The following XRCC4 variants were observed in gnomAD, a reference collection of about 807,000 sequenced individuals.
The protein encoded by XRCC4 is X-ray repair cross complementing 4.
In XRCC4, 28 loss-of-function variants were observed where a neutral mutation model predicts 39.1. That is an observed-to-expected ratio of 0.72 (90% CI 0.53 to 0.98). The LOEUF is 0.98. Among genes scored for constraint, XRCC4 ranks in the 50% least tolerant of loss-of-function variants. The pLI is 0.00. For synonymous variants in XRCC4, 123 were observed against 126.4 expected (o/e 0.97, Z 0.18); for missense variants, 350 against 376.4 (o/e 0.93, Z 0.58).
intron 2 of XRCC4, 92 bp from the exon 3 acceptor site, chr5:83,110,936 T>A: frequency 3.4e-6 from 4 of 1,166,778 alleles, no homozygotes; most frequent in Non-Finnish European, 4.7e-6. Context: ...TTCTGTTACA[T>A]GTGATAAATT....
chr5:83,110,657 A>G (rs2112398166), intron 2 of XRCC4, among the ~76,000 whole-genome samples: 1 of 152,198 alleles, frequency 6.6e-6, no homozygotes, highest in East Asian at 1.9e-4. Context: ...CTTTGATGCA[A>G]GGAAGAAAGA....
intron 3 of XRCC4, among the ~76,000 whole-genome samples, chr5:83,158,001 A>G (rs190430808): frequency 1.3e-5 from 2 of 152,234 alleles, no homozygotes; most frequent in African/African-American, 4.8e-5. Context: ...TCAGATGGGT[A>G]GTACATTATA....
chr5:83,240,511 G>A (rs761694744), intron 6 of XRCC4, among the ~76,000 whole-genome samples: 29 of 152,238 alleles, frequency 1.9e-4, no homozygotes, highest in Non-Finnish European at 2.9e-4. Flanking sequence ...ACAATTGGAG[G>A]CATTCTGACT....
rs998086053 is a variant in XRCC4 at position 83,138,678 on chromosome 5, C to T, written c.315+27475C>T. 1.1e-4 allele frequency among the ~76,000 whole-genome samples: 16 copies of T among 152,020 alleles called. 1 individual carries two copies. The highest frequency in any genetic ancestry group is 6.6e-5 in the Admixed American group (1 of 15,266). On this transcript the variant is annotated intron_variant, in intron 3 of 7. Transcript: ENST00000396027. The stretch of plus-strand genomic sequence containing the variant: ...AATTCAACAAAGGATTATCCATTTC[C>T]ATACTTTTTTCATTACATTTCCAGT...
chr5:83,244,043 G>A (rs529708496), intron 6 of XRCC4, among the ~76,000 whole-genome samples: 1 of 152,140 alleles, frequency 6.6e-6, no homozygotes, highest in African/African-American at 2.4e-5. Flanking sequence ...AATGTGCAAA[G>A]TTAAAAATGG....
chr5:83,344,863 A>G (rs1300100564), intron 7 of XRCC4, among the ~76,000 whole-genome samples: 2 of 152,134 alleles, frequency 1.3e-5, no homozygotes, highest in Admixed American at 6.5e-5. Flanking sequence ...AAACATTTGC[A>G]CTCCTACCAG....
chr5:83,258,028 G>A (rs115101409), intron 6 of XRCC4, among the ~76,000 whole-genome samples: 2,134 of 152,174 alleles, frequency 0.014, 36 homozygotes, highest in Non-Finnish European at 0.022. Context: ...TCACACACCG[G>A]GGCCTGTCAG....
chr5:83,283,682 T>C (rs1754630917), intron 7 of XRCC4, among the ~76,000 whole-genome samples: 1 of 152,188 alleles, frequency 6.6e-6, no homozygotes, highest in South Asian at 2.1e-4. Context: ...TTTCATTCTC[T>C]CTTGGCATCT....
At chr5:83,171,980 A>G (rs1292747545) in intron 3 of XRCC4, among the ~76,000 whole-genome samples, 2 of 152,160 alleles carry the variant, frequency 1.3e-5, no homozygotes, top group East Asian at 3.8e-4. Context: ...TATGGACAAA[A>G]TATGTTTTTA....
intron 6 of XRCC4, among the ~76,000 whole-genome samples, chr5:83,205,436 T>A (rs1369646893): frequency 1.3e-5 from 2 of 148,818 alleles, no homozygotes; most frequent in African/African-American, 4.9e-5. Flanking sequence ...AAAGTACCTA[T>A]GACTTACTCA....
chr5:83,163,194 G>T (rs1467423097), intron 3 of XRCC4, among the ~76,000 whole-genome samples: 1 of 152,142 alleles, frequency 6.6e-6, no homozygotes, highest in Non-Finnish European at 1.5e-5. Context: ...TGAGCCGCCT[G>T]CCTGGGCCTC....
At chr5:83,360,070 T>C in the XRCC4 span, among the ~76,000 whole-genome samples, 2 of 152,152 alleles carry the variant, frequency 1.3e-5, no homozygotes, top group African/African-American at 4.8e-5. Context: ...ATGGCCACCA[T>C]TGGTAGAATA....
At chr5:83,272,785 C>T (rs1252970289) in intron 7 of XRCC4, among the ~76,000 whole-genome samples, 1 of 152,164 alleles carries the variant, frequency 6.6e-6, no homozygotes, top group African/African-American at 2.4e-5. Context: ...CATAGTATTC[C>T]ATGGTGTATA....
chr5:83,177,179 G>A (rs558280262), intron 3 of XRCC4, among the ~76,000 whole-genome samples: 19 of 152,092 alleles, frequency 1.2e-4, no homozygotes, highest in African/African-American at 4.1e-4. Flanking sequence ...ATTGATTTTT[G>A]TTCCTTTATT....
chr5:83,199,555 A>G (rs1005983056), intron 4 of XRCC4, among the ~76,000 whole-genome samples: 3 of 152,084 alleles, frequency 2.0e-5, no homozygotes, highest in Non-Finnish European at 2.9e-5. Flanking sequence ...TCTAAATACC[A>G]TATGTTCACA....
intron 1 of XRCC4, among the ~76,000 whole-genome samples, chr5:83,098,002 C>T (rs1745757506): frequency 8.7e-6 from 1 of 115,438 alleles, no homozygotes; most frequent in Admixed American, 7.5e-5. Flanking sequence ...CATTTTATTG[C>T]TTTTTAATAC....
At chr5:83,140,047 C>A (rs1748091656) in intron 3 of XRCC4, among the ~76,000 whole-genome samples, 1 of 152,156 alleles carries the variant, frequency 6.6e-6, no homozygotes, top group African/African-American at 2.4e-5. Flanking sequence ...TCATTTTTCA[C>A]AATATGTTCA....
chr5:83,217,924 C>T (rs4703564), intron 6 of XRCC4, among the ~76,000 whole-genome samples: 35,873 of 151,936 alleles, frequency 0.24, 7,278 homozygotes, highest in East Asian at 0.65. Flanking sequence ...ACCAGGATTG[C>T]ATAAAGTATA....
chr5:83,263,785 T>A (rs944165886), intron 7 of XRCC4, among the ~76,000 whole-genome samples: 5 of 151,270 alleles, frequency 3.3e-5, no homozygotes, highest in Admixed American at 6.6e-5. Flanking sequence ...TTTTCTCCCA[T>A]TTTGTAGGTT....
Sources: gnomAD v4.1 joint callset for allele counts (sites outside exome capture counted in the v4.1 genomes callset) on GRCh38, gnomAD v4.1.1 for gene constraint, MANE v1.5 for transcripts, NCBI Gene and HGNC (gene_info 2026-07-23, HGNC 2026-07-21) for gene names.